The following MACIR variants were observed in gnomAD, a reference collection of about 807,000 sequenced individuals.
MACIR encodes the protein UNC119-binding protein C5orf30.
MACIR carries 4 observed loss-of-function variants against 14.3 expected under a neutral mutation model. The observed-to-expected ratio is 0.28, with a 90% confidence interval of 0.14 to 0.64. MACIR has a LOEUF of 0.64. Among genes scored for constraint, MACIR ranks in the 30% least tolerant of loss-of-function variants. The pLI is 0.83. For missense variants in MACIR, 228 were observed against 257.6 expected (o/e 0.89, Z 0.79); for synonymous variants, 101 against 102.4 (o/e 0.99, Z 0.08).
chr5:103,265,806 A>G (rs906571012), intron 1 of MACIR, 102 bp from the exon 2 acceptor site: 1 of 152,046 alleles, frequency 6.6e-6, no homozygotes, highest in Admixed American at 6.6e-5. Flanking sequence ...TGATGTTACT[A>G]CCTCCTGCTA....
intron 1 of MACIR, among the ~76,000 whole-genome samples, chr5:103,261,743 T>C (rs1256633889): frequency 6.6e-6 from 1 of 150,642 alleles, no homozygotes; most frequent in African/African-American, 2.4e-5. Context: ...TTCTTGAAAA[T>C]GTTTTGGTGG....
At position 103,276,600 on chromosome 5, in the gene MACIR, A is replaced by G; in HGVS notation, c.*60A>G. ...GCCTACGCTTGGCTAGAAAAAACCC[A>G]CTGCTGTACTCTGTACATGACTCTT... On this transcript the variant is annotated 3_prime_UTR_variant, in exon 3 of 3. Transcript: ENST00000319933. 2 of 1,463,240 alleles carry G rather than the reference A, an allele frequency of 1.4e-6. No homozygotes were observed. Among genetic ancestry groups the G allele is most frequent in the Non-Finnish European group, 1.9e-6 (2 of 1,077,086 alleles). 90.6% of individuals were successfully genotyped at this position (1,463,240 alleles called of 1,614,324 possible).
chr5:103,258,461 G>A (rs1346072196), upstream of MACIR, among the ~76,000 whole-genome samples: 1 of 151,978 alleles, frequency 6.6e-6, no homozygotes, highest in Non-Finnish European at 1.5e-5. Flanking sequence ...CTCTTTAGTT[G>A]GAGTGCTGGG....
In MACIR at chr5:103,278,546, C is replaced by T. The variant is rs2149937893; in HGVS notation, c.*2006C>T. The T allele has an allele frequency of 1.2e-5, 2 of 167,162 alleles. No individual in the cohort carries two copies. The highest frequency in any genetic ancestry group is 3.9e-4 in the East Asian group (2 of 5,184). The allele number at this position is 167,162 out of a possible 1,614,324, so 10.4% of individuals were successfully genotyped here. A position where few individuals can be genotyped will look rare whatever the true frequency, so the allele number is the denominator to read the frequency against. On this transcript the variant is annotated 3_prime_UTR_variant, in exon 3 of 3. Transcript: ENST00000319933. ...GGCATTTTATGATAAAAGATGTATT[C>T]ATGGCAATGATATGTATTCACCCTA... is the stretch of plus-strand genomic sequence containing the variant.
intron 2 of MACIR, among the ~76,000 whole-genome samples, chr5:103,270,638 A>G (rs1400851629): frequency 6.6e-6 from 1 of 152,180 alleles, no homozygotes; most frequent in African/African-American, 2.4e-5. Flanking sequence ...CTGGAAGGGA[A>G]AGGTGGTTAT....
intron 2 of MACIR, among the ~76,000 whole-genome samples, chr5:103,269,220 C>A (rs1486781833): frequency 6.6e-6 from 1 of 151,926 alleles, no homozygotes; most frequent in Non-Finnish European, 1.5e-5. Context: ...AACAAACAAA[C>A]AAACAAACAA....
chr5:103,271,275 G>A (rs1272577041), intron 2 of MACIR, among the ~76,000 whole-genome samples: 1 of 152,108 alleles, frequency 6.6e-6, no homozygotes, highest in Non-Finnish European at 1.5e-5. Flanking sequence ...GGTCTAAGGA[G>A]CCAAGGGCAT....
intron 2 of MACIR, among the ~76,000 whole-genome samples, chr5:103,272,164 C>G (rs1238775859): frequency 3.3e-5 from 5 of 152,086 alleles, no homozygotes; most frequent in Non-Finnish European, 7.4e-5. Context: ...TTAAAAATAA[C>G]AAGTCTGTAA....
Position 103,278,509 on chromosome 5 carries a change from T to G in MACIR, c.*1969T>G, listed in dbSNP as rs1435172128. 3 of 167,090 alleles carry G rather than the reference T, an allele frequency of 1.8e-5. No homozygotes were observed. Among genetic ancestry groups the G allele is most frequent in the African/African-American group, 4.8e-5 (2 of 41,446 alleles). 10.4% of individuals were successfully genotyped at this position (167,090 alleles called of 1,614,324 possible). A position where few individuals can be genotyped will look rare whatever the true frequency, so the allele number is the denominator to read the frequency against. ...ACAACAACAATCAAACCATTTACTT[T>G]TGATGCTCATTGGCATTTTATGATA... is the stretch of plus-strand genomic sequence containing the variant. On this transcript the variant is annotated 3_prime_UTR_variant, in exon 3 of 3. Transcript: ENST00000319933.
At chr5:103,267,564 G>A (rs1291441934) in intron 2 of MACIR, among the ~76,000 whole-genome samples, 1 of 152,116 alleles carries the variant, frequency 6.6e-6, no homozygotes, top group East Asian at 1.9e-4. Flanking sequence ...ATCTTGGGAG[G>A]CAGTGAGTTG....
At chr5:103,267,385 C>T (rs1804964386) in intron 2 of MACIR, among the ~76,000 whole-genome samples, 1 of 152,090 alleles carries the variant, frequency 6.6e-6, no homozygotes, top group Non-Finnish European at 1.5e-5. Flanking sequence ...TATACATATT[C>T]AGTGTAGATG....
chr5:103,261,705 C>CTTTCTTTCTTT (rs1562545911), intron 1 of MACIR, among the ~76,000 whole-genome samples: 1 of 62,824 alleles, frequency 1.6e-5, no homozygotes, highest in African/African-American at 6.6e-5. Flanking sequence ...TTTCTTTCTT[C>CTTTCTTTCTTT]CTTTCTTTCT....
At chr5:103,258,644 T>A (rs1804542424), upstream of MACIR, 1 of 153,078 alleles carries the variant, frequency 6.5e-6, no homozygotes, top group African/African-American at 2.4e-5. Context: ...GCTGACGGGC[T>A]GCGCCTCTGC....
chr5:103,275,606 C>T (rs146640831), intron 2 of MACIR, among the ~76,000 whole-genome samples: 10 of 152,200 alleles, frequency 6.6e-5, no homozygotes, highest in Non-Finnish European at 1.2e-4. Context: ...GAATAGAGTG[C>T]GGAATTTAGA....
At chr5:103,265,021 C>T (rs1289835567) in intron 1 of MACIR, among the ~76,000 whole-genome samples, 2 of 152,062 alleles carry the variant, frequency 1.3e-5, no homozygotes, top group African/African-American at 4.8e-5. Context: ...GAAACTTTTA[C>T]AGGTGGAAAA....
At chr5:103,262,815 T>C (rs1166303801) in intron 1 of MACIR, among the ~76,000 whole-genome samples, 1 of 152,222 alleles carries the variant, frequency 6.6e-6, no homozygotes, top group African/African-American at 2.4e-5. Context: ...CTTCAGTCTT[T>C]GTTTTTATGC....
chr5:103,265,572 C>T (rs1410574358), intron 1 of MACIR, among the ~76,000 whole-genome samples: 1 of 152,114 alleles, frequency 6.6e-6, no homozygotes, highest in Non-Finnish European at 1.5e-5. Context: ...TACTGTGAAT[C>T]GGTTGAACAC....
At chr5:103,260,260 GGTT>G (rs1439160322) in intron 1 of MACIR, among the ~76,000 whole-genome samples, 1 of 151,616 alleles carries the variant, frequency 6.6e-6, no homozygotes, top group African/African-American at 2.4e-5. Context: ...TACAATTTAG[GGTT>G]GTTAGTTGTT....
rs113880493 is a variant in MACIR at position 103,260,297 on chromosome 5, C to T, written c.-114+1401C>T. Among the ~76,000 whole-genome samples, 363 of 150,640 alleles carry T rather than the reference C, an allele frequency of 2.4e-3. 2 individuals carry two copies. Among genetic ancestry groups the T allele is most frequent in the African/African-American group, 7.3e-3 (297 of 40,824 alleles). ...TTTTATTTTCTCAAATCCTGTAATG[C>T]TGGATTGACACTATAGAGGTAGAAA... On this transcript the variant is annotated intron_variant, in intron 1 of 2. Coordinates refer to ENST00000319933, the MANE Select transcript of MACIR (RefSeq NM_033211.4).
Sources: allele counts gnomAD v4.1 joint callset (sites outside exome capture counted in the v4.1 genomes callset), GRCh38; gene constraint gnomAD v4.1.1; transcripts MANE v1.5; gene names NCBI Gene and HGNC (gene_info 2026-07-23, HGNC 2026-07-21).